The following AGAP1 variants were observed in gnomAD, a reference collection of about 807,000 sequenced individuals.
The protein encoded by AGAP1 is ArfGAP with GTPase domain, ankyrin repeat and PH domain 1.
Under a neutral mutation model 105.3 loss-of-function variants are expected in AGAP1, and 29 were observed. The observed-to-expected ratio is 0.28, with a 90% CI of 0.21 to 0.38. AGAP1 has a LOEUF of 0.38. Ranked by LOEUF, AGAP1 falls within the 10% of genes least tolerant of loss-of-function variation. The pLI is 1.00. For synonymous variants in AGAP1, 509 were observed against 485.9 expected (o/e 1.05, Z -0.63); for missense variants, 998 against 1,165.1 (o/e 0.86, Z 2.09).
chr2:235,924,604 C>G (rs906163946), intron 11 of AGAP1, among the ~76,000 whole-genome samples: 1 of 152,174 alleles, frequency 6.6e-6, no homozygotes, highest in South Asian at 2.1e-4. Flanking sequence ...ACTCCTGGAT[C>G]AAAATGAATG....
chr2:235,913,354 T>TTG (rs1403154958), intron 11 of AGAP1, among the ~76,000 whole-genome samples: 2 of 152,224 alleles, frequency 1.3e-5, no homozygotes, highest in East Asian at 3.8e-4. Flanking sequence ...TAATCCACCT[T>TTG]TAATTTGTTT....
chr2:235,781,287 T>C (rs1348281477), intron 6 of AGAP1, among the ~76,000 whole-genome samples: 1 of 152,224 alleles, frequency 6.6e-6, no homozygotes, highest in Non-Finnish European at 1.5e-5. Flanking sequence ...AAATATTCTT[T>C]GGTGCAATAA....
intron 1 of AGAP1, among the ~76,000 whole-genome samples, chr2:235,595,216 A>G (rs1056871711): frequency 1.3e-5 from 2 of 152,166 alleles, no homozygotes; most frequent in African/African-American, 4.8e-5. Context: ...AAGGTTTGTA[A>G]GGGATCTGGC....
At chr2:235,579,028 A>T (rs986611036) in intron 1 of AGAP1, among the ~76,000 whole-genome samples, 9 of 152,208 alleles carry the variant, frequency 5.9e-5, no homozygotes, top group Admixed American at 5.9e-4. Context: ...TAAAGTTAAA[A>T]GGTACCCAGT....
intron 5 of AGAP1, among the ~76,000 whole-genome samples, chr2:235,749,513 A>G (rs1036660286): frequency 6.6e-6 from 1 of 152,030 alleles, no homozygotes; most frequent in Non-Finnish European, 1.5e-5. Flanking sequence ...GAGGGGGTCC[A>G]TCAAAACCTC....
rs71064869 is a variant in AGAP1, at chr2:235,682,797, C to CGTGTGTGTGTGTGTGTGTGTGTGTGT, written c.164-26360_164-26359insGTGTGTGTGTGTGTGTGTGTGTGTGT. Among the ~76,000 whole-genome samples, 401 of 149,554 alleles carry CGTGTGTGTGTGTGTGTGTGTGTGTGT rather than the reference C, an allele frequency of 2.7e-3. 1 individual carries two copies. The highest frequency in any genetic ancestry group is 9.0e-3 in the African/African-American group (361 of 40,292). On this transcript the variant is annotated intron_variant, in intron 1 of 17. Transcript: ENST00000304032. Reference sequence around the variant, plus strand: ...AACTCGATGTGTGGGTGTGTGCACACGTGTGTGTGTGTGTGTGTGTGTTTT... The same window carrying CGTGTGTGTGTGTGTGTGTGTGTGTGT: ...AACTCGATGTGTGGGTGTGTGCACACGTGTGTGTGTGTGTGTGTGTGTGTGTGTGTGTGTGTGTGTGTGTGTGTTTT...
intron 1 of AGAP1, among the ~76,000 whole-genome samples, chr2:235,683,028 C>T (rs1376364973): frequency 3.9e-5 from 6 of 152,084 alleles, no homozygotes; most frequent in African/African-American, 7.2e-5. Flanking sequence ...AACTGAGGGC[C>T]GGTGCGGTGG....
At chr2:235,811,697 C>A (rs1171818531) in intron 9 of AGAP1, among the ~76,000 whole-genome samples, 1 of 152,176 alleles carries the variant, frequency 6.6e-6, no homozygotes, top group South Asian at 2.1e-4. Flanking sequence ...TGGGGACGAC[C>A]GCTCCCTGTC....
chr2:235,687,016 CA>C (rs1031196203), intron 1 of AGAP1, among the ~76,000 whole-genome samples: 2 of 152,016 alleles, frequency 1.3e-5, no homozygotes, highest in Non-Finnish European at 2.9e-5. Flanking sequence ...ACCCACTCTC[CA>C]TTCAACCCTG....
chr2:236,022,974 A>G (rs577656174), intron 13 of AGAP1, among the ~76,000 whole-genome samples: 1 of 152,310 alleles, frequency 6.6e-6, no homozygotes, highest in Non-Finnish European at 1.5e-5. Flanking sequence ...AAAATATCTA[A>G]GCCACACGCC....
At position 235,714,389 on chromosome 2, in the gene AGAP1, A is replaced by G. The variant is rs769757538; in HGVS notation, c.223-3168A>G. 3.9e-5 allele frequency among the ~76,000 whole-genome samples: 6 copies of G among 151,942 alleles called. No individual in the cohort carries two copies. Among genetic ancestry groups the G allele is most frequent in the Non-Finnish European group, 7.4e-5 (5 of 68,004 alleles). On this transcript the variant is annotated intron_variant, in intron 2 of 17. Coordinates refer to ENST00000304032, the MANE Select transcript of AGAP1 (RefSeq NM_001037131.3). The surrounding 1 kb of genome is among the most constrained non-coding windows in gnomAD (Gnocchi z 4.1). ...ACGGGGAAGCACAAACATTCCTACC[A>G]TATAGTTGAAGGCTTGTCAGAGGAG...
intron 12 of AGAP1, among the ~76,000 whole-genome samples, chr2:235,935,504 C>T (rs539725162): frequency 3.3e-5 from 5 of 152,286 alleles, no homozygotes; most frequent in South Asian, 2.1e-4. Flanking sequence ...TCCTGTCCTG[C>T]AACCTCTTGT....
intron 13 of AGAP1, among the ~76,000 whole-genome samples, chr2:236,032,478 A>G (rs964390013): frequency 2.0e-5 from 3 of 152,142 alleles, no homozygotes; most frequent in Admixed American, 1.3e-4. Context: ...CTCCAGAAAG[A>G]GGGGGGTCAG....
intron 9 of AGAP1, among the ~76,000 whole-genome samples, chr2:235,840,192 C>G (rs1960647389): frequency 6.6e-6 from 1 of 152,202 alleles, no homozygotes; most frequent in Non-Finnish European, 1.5e-5. Context: ...ACCAGTCTTT[C>G]ATGACAGCAA....
In AGAP1 at chr2:236,104,306, C is replaced by G. The variant is rs1050862268; in HGVS notation, c.2115-15886C>G. The stretch of plus-strand genomic sequence containing the variant: ...TCCCAAGGCAGTCCAGCCTCCAGCA[C>G]TCCATCCTGTTCCATCCCCAGTGCC... On this transcript the variant is annotated intron_variant, in intron 16 of 17. Coordinates refer to ENST00000304032, the MANE Select transcript of AGAP1 (RefSeq NM_001037131.3). This position sits in a 1 kb window ranked among gnomAD's most constrained non-coding sequence, Gnocchi z 4.7. 2.6e-5 allele frequency among the ~76,000 whole-genome samples: 4 copies of G among 152,254 alleles called. No homozygotes were observed. The highest frequency in any genetic ancestry group is 5.9e-5 in the Non-Finnish European group (4 of 68,044).
At chr2:235,778,251 C>T (rs1440077208) in intron 6 of AGAP1, among the ~76,000 whole-genome samples, 4 of 152,202 alleles carry the variant, frequency 2.6e-5, no homozygotes, top group African/African-American at 9.6e-5. Context: ...CATCAGAGCC[C>T]TGGCCCCAGC....
intron 9 of AGAP1, among the ~76,000 whole-genome samples, chr2:235,821,902 C>T (rs1312069421): frequency 6.6e-6 from 1 of 152,186 alleles, no homozygotes; most frequent in Admixed American, 6.5e-5. Context: ...TTGTAGAAAG[C>T]TCTTTAATTT....
rs1044924032 is a variant in AGAP1, at chr2:235,559,440, C to T, written c.163+64591C>T. On this transcript the variant is annotated intron_variant, in intron 1 of 17. Transcript: ENST00000304032. This position sits in a 1 kb window ranked among gnomAD's most constrained non-coding sequence, Gnocchi z 5.7. ...TTGCCGTGTGCCAGTGATTGATTGA[C>T]GTTAGTGTCGGTATCTCTCATTGCG... 2.0e-4 allele frequency among the ~76,000 whole-genome samples: 30 copies of T among 152,140 alleles called. No homozygotes were observed. The highest frequency in any genetic ancestry group is 6.8e-4 in the African/African-American group (28 of 41,418).
intron 1 of AGAP1, among the ~76,000 whole-genome samples, chr2:235,626,491 T>G (rs1006681575): frequency 1.3e-5 from 2 of 152,200 alleles, no homozygotes; most frequent in African/African-American, 2.4e-5. Flanking sequence ...AATGGTGGCG[T>G]TTTTTAAAAG....
Sources: gnomAD v4.1 joint callset for allele counts (sites outside exome capture counted in the v4.1 genomes callset) on GRCh38, gnomAD v4.1.1 for gene constraint, Gnocchi (gnomAD v3.1) non-coding constraint, MANE v1.5 for transcripts, NCBI Gene and HGNC (gene_info 2026-07-23, HGNC 2026-07-21) for gene names.